Variants in MAST4 observed in about 807,000 individuals in gnomAD.
MAST4 encodes microtubule-associated serine/threonine-protein kinase 4.
MAST4 carries 89 observed loss-of-function variants against 162.7 expected under a neutral mutation model. The ratio of observed to expected loss-of-function variants is 0.55; its 90% CI spans 0.46 to 0.65. The LOEUF (loss-of-function observed/expected upper bound fraction) is 0.65, where lower values mean the gene tolerates loss of function less well. MAST4 is among the 30% of genes least tolerant of loss of function. The pLI is 0.00. For missense variants in MAST4, 3,153 were observed against 3,374.0 expected, an observed-to-expected ratio of 0.93 and a Z score of 1.62; for synonymous variants, 1,479 against 1,361.1, an observed-to-expected ratio of 1.09 and a Z score of -1.91.
intron 4 of MAST4, among the ~76,000 whole-genome samples, chr5:66,974,849 T>G (rs865926114): frequency 1.2e-3 from 187 of 152,312 alleles, no homozygotes; most frequent in African/African-American, 4.3e-3. Context: ...AGAATTTCTA[T>G]TCTAGCTGAG....
intron 3 of MAST4, among the ~76,000 whole-genome samples, chr5:66,831,652 A>G (rs1757605252): frequency 6.6e-6 from 1 of 152,252 alleles, no homozygotes; most frequent in South Asian, 2.1e-4. Flanking sequence ...TGAGTTGTTC[A>G]TCTTAAGTGA....
intron 1 of MAST4, among the ~76,000 whole-genome samples, chr5:66,748,205 C>T (rs1276727248): frequency 6.6e-6 from 1 of 152,060 alleles, no homozygotes; most frequent in African/African-American, 2.4e-5. Context: ...GCAGGGATTT[C>T]TGTCAGTTTC....
chr5:67,048,614 G>T (rs1757670078), intron 4 of MAST4, among the ~76,000 whole-genome samples: 1 of 151,988 alleles, frequency 6.6e-6, no homozygotes, highest in Non-Finnish European at 1.5e-5. Context: ...TATCTTATAG[G>T]ACAGTGATAG....
chr5:66,835,106 T>G (rs1757872826), intron 3 of MAST4, among the ~76,000 whole-genome samples: 1 of 152,232 alleles, frequency 6.6e-6, no homozygotes, highest in African/African-American at 2.4e-5. Flanking sequence ...ATTATGTCCT[T>G]GGCTTTTATT....
At chr5:66,673,222 G>C in intron 1 of MAST4, among the ~76,000 whole-genome samples, 1 of 151,978 alleles carries the variant, frequency 6.6e-6, no homozygotes. Flanking sequence ...TAAATTATCT[G>C]CTTACACTTT....
intron 12 of MAST4, among the ~76,000 whole-genome samples, chr5:67,117,603 A>G (rs1346377864): frequency 6.6e-6 from 1 of 151,930 alleles, no homozygotes; most frequent in Non-Finnish European, 1.5e-5. Context: ...TGTAACTAAA[A>G]ACTATGACTT....
chr5:67,082,075 C>A (rs1218818772), intron 5 of MAST4, among the ~76,000 whole-genome samples: 5 of 152,004 alleles, frequency 3.3e-5, no homozygotes, highest in Admixed American at 6.6e-5. Flanking sequence ...AATTTCATAA[C>A]CTGAATCTAG....
intron 3 of MAST4, among the ~76,000 whole-genome samples, chr5:66,790,898 T>C (rs963658726): frequency 1.6e-4 from 24 of 152,364 alleles, no homozygotes; most frequent in African/African-American, 5.8e-4. Context: ...ACAGAAGTGT[T>C]TTTTAGCTGC....
chr5:67,062,214 A>T (rs914421196), intron 5 of MAST4, among the ~76,000 whole-genome samples: 1 of 152,200 alleles, frequency 6.6e-6, no homozygotes, highest in Non-Finnish European at 1.5e-5. Context: ...ATCCTGGCCA[A>T]CATGGTGAAA....
At chr5:66,964,420 C>A (rs1264616082) in intron 4 of MAST4, among the ~76,000 whole-genome samples, 1 of 152,132 alleles carries the variant, frequency 6.6e-6, no homozygotes, top group African/African-American at 2.4e-5. Context: ...TTCATGAATT[C>A]ACTATTTATG....
intron 4 of MAST4, chr5:67,004,041 C>T (rs1043192244): frequency 2.6e-5 from 4 of 152,280 alleles, no homozygotes; most frequent in African/African-American, 9.6e-5. Context: ...TCACTGCCAT[C>T]CCTCCCGCGG....
chr5:67,057,152 C>T (rs368828197), intron 5 of MAST4, among the ~76,000 whole-genome samples: 6 of 152,224 alleles, frequency 3.9e-5, no homozygotes, highest in South Asian at 4.2e-4. Flanking sequence ...CATGTGAATA[C>T]GATACAGGAC....
At chr5:67,033,170 C>A (rs1378030027) in intron 4 of MAST4, among the ~76,000 whole-genome samples, 3 of 149,806 alleles carry the variant, frequency 2.0e-5, no homozygotes, top group African/African-American at 7.4e-5. Context: ...GAACATCTAA[C>A]CCTTAAAAAA....
chr5:67,026,379 C>T (rs1754648314), intron 4 of MAST4, among the ~76,000 whole-genome samples: 1 of 152,186 alleles, frequency 6.6e-6, no homozygotes, highest in Non-Finnish European at 1.5e-5. Context: ...TTCTTTTTGG[C>T]TTTACAGCTG....
chr5:66,847,451 G>T (rs551080740), intron 3 of MAST4, among the ~76,000 whole-genome samples: 7 of 152,248 alleles, frequency 4.6e-5, no homozygotes, highest in African/African-American at 1.7e-4. Flanking sequence ...TTGCCAACAT[G>T]GCAAAACCCC....
chr5:66,897,898 T>A lies in MAST4; in HGVS notation c.643-2053T>A, dbSNP rs187556393. Among the ~76,000 whole-genome samples the A allele has an allele frequency of 5.9e-5, 9 of 152,362 alleles. No homozygotes were observed. In the East Asian group the frequency reaches 1.7e-3, roughly 29 times the overall value. ...TTTTCTCAGAGCAAAGCAGCCAGTT[T>A]ATGCTCAGGTTATTTGGTGGAATAT... On this transcript the variant is annotated intron_variant, in intron 3 of 28. Transcript: ENST00000403625.
At chr5:67,001,761 G>C (rs1425542389) in intron 4 of MAST4, 2 of 152,198 alleles carry the variant, frequency 1.3e-5, no homozygotes, top group African/African-American at 4.8e-5. Context: ...ACCACCTACA[G>C]GTTGTGTTCT....
intron 4 of MAST4, among the ~76,000 whole-genome samples, chr5:66,932,544 T>C (rs1742296940): frequency 6.6e-6 from 1 of 152,218 alleles, no homozygotes; most frequent in African/African-American, 2.4e-5. Context: ...ATTGTGCTTA[T>C]GCTTTGAATT....
intron 11 of MAST4, 52 bp downstream of exon 11, chr5:67,110,251 G>C: frequency 7.6e-7 from 1 of 1,318,934 alleles, no homozygotes; most frequent in Non-Finnish European, 1.1e-6. Context: ...TGGGAAAGCA[G>C]TTACCATCAG....
Sources: allele counts gnomAD v4.1 joint callset (sites outside exome capture counted in the v4.1 genomes callset), GRCh38; gene constraint gnomAD v4.1.1; transcripts MANE v1.5; gene names NCBI Gene and HGNC (gene_info 2026-07-23, HGNC 2026-07-21).